The following LOC400499 variants were observed in gnomAD, a reference collection of about 807,000 sequenced individuals.
chr16:11,480,476 G>C, the LOC400499 span, among the ~76,000 whole-genome samples: 1 of 152,160 alleles, frequency 6.6e-6, no homozygotes, highest in African/African-American at 2.4e-5. Flanking sequence ...ACATGGCAAT[G>C]ACATTTTATA....
chr16:11,433,230 T>A, the LOC400499 span, among the ~76,000 whole-genome samples: 1 of 152,156 alleles, frequency 6.6e-6, no homozygotes, highest in Non-Finnish European at 1.5e-5. Context: ...TACAACAAGG[T>A]GCATTTTAAT....
the LOC400499 span, among the ~76,000 whole-genome samples, chr16:11,441,538 T>C: frequency 6.6e-6 from 1 of 152,196 alleles, no homozygotes; most frequent in Non-Finnish European, 1.5e-5. Context: ...CACGATGACA[T>C]CCATGTCCTC....
chr16:11,510,430 C>T, the LOC400499 span, among the ~76,000 whole-genome samples: 1 of 151,806 alleles, frequency 6.6e-6, no homozygotes, highest in Admixed American at 6.5e-5. Flanking sequence ...AATGCTCTTT[C>T]CTGCATCTTC....
At chr16:11,465,055 C>T in the LOC400499 span, among the ~76,000 whole-genome samples, 8 of 152,242 alleles carry the variant, frequency 5.3e-5, no homozygotes. Context: ...AGATGCTCCA[C>T]TCCAGGCCTC....
chr16:11,447,951 C>T, the LOC400499 span: 1 of 1,535,668 alleles, frequency 6.5e-7, no homozygotes, highest in African/African-American at 1.4e-5. Context: ...GCAAGGCCCC[C>T]CGTTTCCGGT....
the LOC400499 span, among the ~76,000 whole-genome samples, chr16:11,384,497 C>T: frequency 6.6e-6 from 1 of 152,186 alleles, no homozygotes; most frequent in Non-Finnish European, 1.5e-5. Flanking sequence ...GGCTGTAAAC[C>T]CTCATCAGAG....
At chr16:11,429,509 A>G in the LOC400499 span, among the ~76,000 whole-genome samples, 6 of 152,306 alleles carry the variant, frequency 3.9e-5, no homozygotes, top group South Asian at 4.1e-4. Context: ...GTCTCACTCT[A>G]TCACCCAGGA....
chr16:11,390,589 G>T, the LOC400499 span: 2 of 741,054 alleles, frequency 2.7e-6, no homozygotes, highest in South Asian at 7.2e-5. Context: ...GGAGCTGGGG[G>T]AACTGGAACA....
chr16:11,478,511 A>C, the LOC400499 span: 2 of 398,922 alleles, frequency 5.0e-6, no homozygotes, highest in Non-Finnish European at 8.8e-6. Context: ...TGGCATGGGC[A>C]GGGGCAGGGA....
the LOC400499 span, chr16:11,442,385 T>C: frequency 6.6e-6 from 1 of 152,090 alleles, no homozygotes; most frequent in African/African-American, 2.4e-5. Context: ...CATGCCTGGC[T>C]AATTTTTTTT....
the LOC400499 span, among the ~76,000 whole-genome samples, chr16:11,513,809 A>G: frequency 6.6e-6 from 1 of 152,190 alleles, no homozygotes; most frequent in Non-Finnish European, 1.5e-5. Flanking sequence ...AAATACACAT[A>G]AAGTGCTCAG....
At chr16:11,466,045 G>A in the LOC400499 span, among the ~76,000 whole-genome samples, 1 of 152,192 alleles carries the variant, frequency 6.6e-6, no homozygotes, top group East Asian at 1.9e-4. Flanking sequence ...AAAAACTCAA[G>A]AGTCCTTCAT....
chr16:11,481,998 T>A, the LOC400499 span, among the ~76,000 whole-genome samples: 1 of 152,116 alleles, frequency 6.6e-6, no homozygotes, highest in Non-Finnish European at 1.5e-5. Context: ...AAAAAGAGTA[T>A]GCGGTGAATG....
the LOC400499 span, among the ~76,000 whole-genome samples, chr16:11,496,644 G>A: frequency 6.6e-6 from 1 of 152,180 alleles, no homozygotes. Flanking sequence ...CATTGGATGT[G>A]TGCATGTGCC....
the LOC400499 span, among the ~76,000 whole-genome samples, chr16:11,522,664 G>A: frequency 1.3e-5 from 2 of 152,198 alleles, no homozygotes; most frequent in Non-Finnish European, 2.9e-5. Context: ...AAGAAACTGA[G>A]GCTCAGAGAG....
the LOC400499 span, chr16:11,459,862 T>G: frequency 7.6e-7 from 1 of 1,323,598 alleles, no homozygotes; most frequent in South Asian, 2.3e-5. Context: ...GCTGGACTCA[T>G]GGGGCACGGC....
At chr16:11,414,631 G>C in the LOC400499 span, 2 of 398,384 alleles carry the variant, frequency 5.0e-6, no homozygotes, top group Non-Finnish European at 8.8e-6. Flanking sequence ...CAGCAGGAAA[G>C]GGCAAGGCTG....
the LOC400499 span, among the ~76,000 whole-genome samples, chr16:11,464,145 T>G: frequency 8.8e-6 from 1 of 113,642 alleles, no homozygotes; most frequent in Non-Finnish European, 1.8e-5. Context: ...TGGACGTGTG[T>G]ATGATGTGTA....
At chr16:11,501,640 G>A in the LOC400499 span, among the ~76,000 whole-genome samples, 4 of 152,060 alleles carry the variant, frequency 2.6e-5, no homozygotes, top group East Asian at 1.9e-4. Flanking sequence ...CTCTGAGATT[G>A]GGAGTCTCTT....
Sources: gnomAD v4.1 joint callset for allele counts (sites outside exome capture counted in the v4.1 genomes callset) on GRCh38, gnomAD v4.1.1 for gene constraint, MANE v1.5 for transcripts.